Variants in HCRTR2 observed in about 807,000 individuals in gnomAD.
The protein encoded by HCRTR2 is orexin receptor type 2.
In HCRTR2, 22 loss-of-function variants were observed where a neutral mutation model predicts 49.0. The observed-to-expected ratio is 0.45, with a 90% confidence interval of 0.32 to 0.64. HCRTR2 has a LOEUF of 0.64. HCRTR2 is among the 30% of genes least tolerant of loss of function. The pLI, the probability that HCRTR2 is intolerant of heterozygous loss-of-function variation, is 0.04. For missense variants in HCRTR2, 491 were observed against 559.4 expected (o/e 0.88, Z 1.23); for synonymous variants, 236 against 205.3 (o/e 1.15, Z -1.28).
chr6:55,187,899 CCCGAGTAGCTGGGA>C (rs1300895296), intron 1 of HCRTR2, among the ~76,000 whole-genome samples: 1 of 152,068 alleles, frequency 6.6e-6, no homozygotes, highest in African/African-American at 2.4e-5. Context: ...GCCTCAGCCT[CCCGAGTAGCTGGGA>C]CTACAGGCGC....
chr6:55,122,239 G>A (rs957807742), intron 1 of HCRTR2, among the ~76,000 whole-genome samples: 6 of 152,156 alleles, frequency 3.9e-5, no homozygotes, highest in East Asian at 3.9e-4. Flanking sequence ...AGATTTTCTA[G>A]TTTATTTGCA....
chr6:55,206,504 A>G (rs553521849), intron 1 of HCRTR2, among the ~76,000 whole-genome samples: 6 of 152,012 alleles, frequency 3.9e-5, no homozygotes, highest in Admixed American at 3.3e-4. Flanking sequence ...AATTAATGGA[A>G]GCTATGTGAG....
At chr6:55,151,403 T>C (rs1764662993) in intron 1 of HCRTR2, among the ~76,000 whole-genome samples, 1 of 152,060 alleles carries the variant, frequency 6.6e-6, no homozygotes, top group African/African-American at 2.4e-5. Flanking sequence ...ACAGCATCTT[T>C]ACTAAAAGTA....
chr6:55,222,129 AT>A lies in HCRTR2; in HGVS notation c.224-26508del, dbSNP rs554943117. Among the ~76,000 whole-genome samples the A allele has an allele frequency of 3.3e-4, 51 of 152,268 alleles. 1 individual carries two copies. Among genetic ancestry groups the A allele is most frequent in the African/African-American group, 1.1e-3 (45 of 41,566 alleles). On this transcript the variant is annotated intron_variant, in intron 1 of 6. Coordinates refer to ENST00000370862, the MANE Select transcript of HCRTR2 (RefSeq NM_001384272.1). Reference sequence around the variant, plus strand: ...AACTCAATAGCAAAAAACTAACCCAATTAAAAATGGACAATGGACCTGATGG... The same window carrying A: ...AACTCAATAGCAAAAAACTAACCCAATAAAAATGGACAATGGACCTGATGG...
intron 3 of HCRTR2, among the ~76,000 whole-genome samples, chr6:55,262,546 TAA>T (rs1766784806): frequency 7.6e-6 from 1 of 131,498 alleles, no homozygotes; most frequent in Non-Finnish European, 1.6e-5. Flanking sequence ...TAATATAATA[TAA>T]CTTATTATAT....
chr6:55,152,997 G>T (rs1026760164), intron 1 of HCRTR2, among the ~76,000 whole-genome samples: 6 of 151,568 alleles, frequency 4.0e-5, no homozygotes, highest in African/African-American at 1.2e-4. Context: ...CTGTGTGCGT[G>T]TTTTTTTTCT....
Position 55,194,783 on chromosome 6 carries a change from T to C in HCRTR2, c.223+19973T>C, listed in dbSNP as rs538511017. Among the ~76,000 whole-genome samples the C allele has an allele frequency of 2.6e-5, 4 of 152,234 alleles. No homozygotes were observed. In the South Asian group the frequency reaches 8.3e-4, roughly 32 times the overall value. On this transcript the variant is annotated intron_variant, in intron 1 of 6. Coordinates refer to ENST00000370862, the MANE Select transcript of HCRTR2 (RefSeq NM_001384272.1). ...ATTCAGTAGGCTGGAAGTATGACCA[T>C]TGGGAGATCAAAACGATAAGACATT...
At chr6:55,263,864 C>A in intron 4 of HCRTR2, 42 bp downstream of exon 4, 1 of 1,135,098 alleles carries the variant, frequency 8.8e-7, no homozygotes, top group Non-Finnish European at 1.3e-6. Flanking sequence ...TTCCTCCACA[C>A]ATAATTTGTT....
intron 6 of HCRTR2, 77 bp downstream of exon 6, chr6:55,280,521 TGAG>T (rs1390191151): frequency 2.5e-6 from 4 of 1,590,698 alleles, no homozygotes; most frequent in Non-Finnish European, 2.6e-6. Flanking sequence ...TTCAACTATA[TGAG>T]GAGTTTAGTT....
At chr6:55,194,488 CA>C (rs1253298134) in intron 1 of HCRTR2, among the ~76,000 whole-genome samples, 1 of 151,972 alleles carries the variant, frequency 6.6e-6, no homozygotes, top group Non-Finnish European at 1.5e-5. Context: ...AATTATTCTA[CA>C]TATAATTAAA....
chr6:55,118,641 C>G lies in HCRTR2; in HGVS notation c.-378+12096C>G, dbSNP rs112492604. On this transcript the variant is annotated intron_variant, in intron 1 of 7. Transcript: ENST00000615358. ...CATTGTGGTTTTGATTTGTATTTCT[C>G]TAATGATTATTGAGGATGAGCTTTT... Among the ~76,000 whole-genome samples, 333 of 152,006 alleles carry G rather than the reference C, an allele frequency of 2.2e-3. 2 individuals are homozygous for G. Among genetic ancestry groups the G allele is most frequent in the African/African-American group, 7.6e-3 (317 of 41,506 alleles).
At chr6:55,186,049 A>G (rs1287017346) in intron 1 of HCRTR2, among the ~76,000 whole-genome samples, 1 of 152,188 alleles carries the variant, frequency 6.6e-6, no homozygotes, top group Non-Finnish European at 1.5e-5. Context: ...TAGTTTTGTC[A>G]TAGAATTGAT....
intron 1 of HCRTR2, among the ~76,000 whole-genome samples, chr6:55,205,581 A>T (rs547358127): frequency 6.6e-6 from 1 of 152,262 alleles, no homozygotes; most frequent in Non-Finnish European, 1.5e-5. Context: ...TTCAACAGAG[A>T]ATAGACAGAG....
At position 55,253,827 on chromosome 6, in the gene HCRTR2, T is replaced by C. The variant is rs1174164486; in HGVS notation, c.403-1309T>C. 3.9e-5 allele frequency among the ~76,000 whole-genome samples: 6 copies of C among 152,004 alleles called. No homozygotes were observed. The East Asian group carries it at 5.8e-4, about 15-fold the overall frequency. On this transcript the variant is annotated intron_variant, in intron 2 of 6. Transcript: ENST00000370862. Reference sequence around the variant, plus strand: ...TCATTTATAAATGGGAGCTAAATGATGAGAACACATGGACACATAAAGGGG... The same window carrying C: ...TCATTTATAAATGGGAGCTAAATGACGAGAACACATGGACACATAAAGGGG...
chr6:55,131,075 A>G (rs1764349356), intron 1 of HCRTR2, among the ~76,000 whole-genome samples: 1 of 151,870 alleles, frequency 6.6e-6, no homozygotes, highest in Non-Finnish European at 1.5e-5. Context: ...AACTAGCACT[A>G]TACTTCTAAT....
intron 1 of HCRTR2, among the ~76,000 whole-genome samples, chr6:55,207,058 T>C (rs957972118): frequency 6.6e-6 from 1 of 152,140 alleles, no homozygotes; most frequent in Admixed American, 6.5e-5. Flanking sequence ...AAAATAACTT[T>C]CAAAATATCT....
At chr6:55,177,291 C>A (rs1029991359) in intron 1 of HCRTR2, among the ~76,000 whole-genome samples, 4 of 152,176 alleles carry the variant, frequency 2.6e-5, no homozygotes, top group Non-Finnish European at 5.9e-5. Flanking sequence ...TCTGGTTGAA[C>A]TGAAATGCAT....
chr6:55,132,751 C>CTT (rs35184458), intron 1 of HCRTR2, among the ~76,000 whole-genome samples: 6 of 139,838 alleles, frequency 4.3e-5, no homozygotes, highest in East Asian at 2.1e-4. Context: ...CTCTCTCTCT[C>CTT]TTTTTTTTTT....
intron 1 of HCRTR2, among the ~76,000 whole-genome samples, chr6:55,165,365 C>A (rs959893462): frequency 1.3e-5 from 2 of 151,970 alleles, no homozygotes; most frequent in Non-Finnish European, 2.9e-5. Flanking sequence ...AATAACTGAA[C>A]TCTCATTCAA....
Sources: gnomAD v4.1 joint callset for allele counts (sites outside exome capture counted in the v4.1 genomes callset) on GRCh38, gnomAD v4.1.1 for gene constraint, MANE v1.5 for transcripts, NCBI Gene and HGNC (gene_info 2026-07-23, HGNC 2026-07-21) for gene names.